The following CDH8 variants were observed in gnomAD, a reference collection of about 807,000 sequenced individuals.
The protein encoded by CDH8 is cadherin-8.
In CDH8, 17 loss-of-function variants were observed where a neutral mutation model predicts 68.1. The ratio of observed to expected loss-of-function variants is 0.25; its 90% CI spans 0.17 to 0.37. CDH8 has a LOEUF of 0.37. Ranked by LOEUF, CDH8 falls within the 10% of genes least tolerant of loss-of-function variation. The pLI, the probability that CDH8 is intolerant of heterozygous loss-of-function variation, is 1.00. For synonymous variants in CDH8, 372 were observed against 365.1 expected, an observed-to-expected ratio of 1.02 and a Z score of -0.21; for missense variants, 763 against 999.3, an observed-to-expected ratio of 0.76 and a Z score of 3.19.
At chr16:62,034,386 A>G (rs1902402255) in intron 1 of CDH8, among the ~76,000 whole-genome samples, 1 of 152,160 alleles carries the variant, frequency 6.6e-6, no homozygotes. Flanking sequence ...TTACATAAAC[A>G]TCTTTCCCAC....
chr16:61,723,558 T>A (rs1596900981), intron 9 of CDH8, among the ~76,000 whole-genome samples: 1 of 150,794 alleles, frequency 6.6e-6, no homozygotes, highest in African/African-American at 2.4e-5. Context: ...TGCAATTCTA[T>A]CATTTACAAT....
At chr16:61,949,997 A>AT (rs1435205471) in intron 2 of CDH8, among the ~76,000 whole-genome samples, 1 of 151,760 alleles carries the variant, frequency 6.6e-6, no homozygotes, top group Non-Finnish European at 1.5e-5. Context: ...TAAAAAAAAA[A>AT]AAAAATCCTA....
At chr16:61,996,189 T>C (rs535182725) in intron 2 of CDH8, among the ~76,000 whole-genome samples, 1 of 152,188 alleles carries the variant, frequency 6.6e-6, no homozygotes, top group African/African-American at 2.4e-5. Context: ...ACCTGACAGG[T>C]CATCCAACCC....
intron 9 of CDH8, among the ~76,000 whole-genome samples, chr16:61,719,007 T>A (rs1022851319): frequency 6.6e-6 from 1 of 151,246 alleles, no homozygotes. Flanking sequence ...AGTACAAACA[T>A]ATTCACAGTT....
At chr16:62,017,962 A>C (rs1441423674) in intron 2 of CDH8, among the ~76,000 whole-genome samples, 1 of 152,140 alleles carries the variant, frequency 6.6e-6, no homozygotes, top group African/African-American at 2.4e-5. Context: ...GGTAATTGTT[A>C]ATTTGTCTGC....
intron 3 of CDH8, among the ~76,000 whole-genome samples, chr16:61,860,388 T>C (rs1963128106): frequency 6.6e-6 from 1 of 152,154 alleles, no homozygotes; most frequent in Non-Finnish European, 1.5e-5. Flanking sequence ...GTAGTAACTA[T>C]TTTTGCAACT....
At chr16:61,739,857 T>C (rs4784158) in intron 8 of CDH8, among the ~76,000 whole-genome samples, 3,983 of 142,460 alleles carry the variant, frequency 0.028, 270 homozygotes, top group East Asian at 0.2. Context: ...CAGGTTCTCT[T>C]TAATATAGCA....
intron 5 of CDH8, among the ~76,000 whole-genome samples, chr16:61,822,668 C>G (rs994834679): frequency 6.6e-6 from 1 of 151,878 alleles, no homozygotes; most frequent in African/African-American, 2.4e-5. Context: ...AAGGTAGGCA[C>G]TGAAAATCCT....
intron 10 of CDH8, among the ~76,000 whole-genome samples, chr16:61,704,069 C>T (rs1964485664): frequency 6.6e-6 from 1 of 152,148 alleles, no homozygotes. Context: ...ACAGAAAATA[C>T]TTCATGAAAC....
At chr16:61,857,279 T>C (rs780721261) in intron 3 of CDH8, 41 bp from the exon 4 acceptor site, 8 of 1,566,056 alleles carry the variant, frequency 5.1e-6, no homozygotes, top group East Asian at 2.3e-5. Flanking sequence ...AATTAACACA[T>C]TGTCCTTTGC....
chr16:61,852,852 C>CCCTTCATT (rs1555515258), intron 4 of CDH8, among the ~76,000 whole-genome samples: 2 of 133,100 alleles, frequency 1.5e-5, no homozygotes, highest in African/African-American at 6.1e-5. Context: ...CCTGACTCTG[C>CCCTTCATT]CCTTCCTTCC....
At chr16:61,890,548 C>T (rs1270300359) in intron 3 of CDH8, among the ~76,000 whole-genome samples, 1 of 152,132 alleles carries the variant, frequency 6.6e-6, no homozygotes, top group Admixed American at 6.6e-5. Context: ...CAACAAATCA[C>T]AGTCCGCCAG....
At chr16:61,879,796 T>A (rs1963534975) in intron 3 of CDH8, among the ~76,000 whole-genome samples, 1 of 152,150 alleles carries the variant, frequency 6.6e-6, no homozygotes, top group Non-Finnish European at 1.5e-5. Context: ...AGGAACAATA[T>A]AAGCACAAGT....
chr16:61,804,873 C>T (rs1287467566), intron 7 of CDH8, among the ~76,000 whole-genome samples: 1 of 55,832 alleles, frequency 1.8e-5, no homozygotes, highest in Non-Finnish European at 3.1e-5. Context: ...GATTCACAGC[C>T]GAATTCTACC....
intron 4 of CDH8, among the ~76,000 whole-genome samples, chr16:61,844,796 T>G (rs1424951155): frequency 1.3e-5 from 2 of 152,176 alleles, no homozygotes; most frequent in Non-Finnish European, 2.9e-5. Context: ...TTACGTATAG[T>G]GAGAAAAAAC....
At chr16:61,829,577 A>C (rs942998551) in intron 4 of CDH8, among the ~76,000 whole-genome samples, 3 of 151,842 alleles carry the variant, frequency 2.0e-5, no homozygotes, top group African/African-American at 7.2e-5. Context: ...CTTACCTGTA[A>C]AATGAGAGTA....
chr16:61,837,578 G>A (rs1381993044), intron 4 of CDH8, among the ~76,000 whole-genome samples: 1 of 152,084 alleles, frequency 6.6e-6, no homozygotes, highest in Non-Finnish European at 1.5e-5. Context: ...CATTCTAAGT[G>A]TGGAGGGCAG....
chr16:61,693,940 C>T (rs906687114), intron 10 of CDH8, among the ~76,000 whole-genome samples: 3 of 152,150 alleles, frequency 2.0e-5, no homozygotes, highest in Admixed American at 2.0e-4. Context: ...TATTATGCAA[C>T]AGGCTCTGTG....
chr16:61,706,631 A>AAAAAAAAAAAAAAAAAAAAAAAAG (rs1964540406), intron 10 of CDH8, among the ~76,000 whole-genome samples: 1 of 151,086 alleles, frequency 6.6e-6, no homozygotes, highest in Non-Finnish European at 1.5e-5. Flanking sequence ...AAAAAAAAAA[A>AAAAAAAAAAAAAAAAAAAAAAAAG]AAAAAAAAAA....
Sources: gnomAD v4.1 joint callset for allele counts (sites outside exome capture counted in the v4.1 genomes callset) on GRCh38, gnomAD v4.1.1 for gene constraint, MANE v1.5 for transcripts, NCBI Gene and HGNC (gene_info 2026-07-23, HGNC 2026-07-21) for gene names.